The following ZNF385D variants were observed in gnomAD, a reference collection of about 807,000 sequenced individuals.
The protein encoded by ZNF385D is zinc finger protein 659.
Under a neutral mutation model 35.8 loss-of-function variants are expected in ZNF385D, and 15 were observed. That is an observed-to-expected ratio of 0.42 (90% CI 0.28 to 0.64). The LOEUF (loss-of-function observed/expected upper bound fraction) is 0.64. Ranked by LOEUF, ZNF385D falls within the 30% of genes least tolerant of loss-of-function variation. The probability of loss-of-function intolerance (pLI) is 0.23; values close to 1 mark genes in which losing one functional copy is unlikely to be tolerated. For synonymous variants in ZNF385D, 212 were observed against 186.8 expected (o/e 1.13, Z -1.10); for missense variants, 474 against 494.6 (o/e 0.96, Z 0.39).
chr3:22,178,982 C>T (rs1032248428), intron 2 of ZNF385D, among the ~76,000 whole-genome samples: 1 of 151,386 alleles, frequency 6.6e-6, no homozygotes, highest in African/African-American at 2.4e-5. Context: ...GTTTTGGTTA[C>T]AGTAGCCTTG....
chr3:22,325,686 G>A (rs912904438), intron 2 of ZNF385D, among the ~76,000 whole-genome samples: 2 of 152,012 alleles, frequency 1.3e-5, no homozygotes, highest in Admixed American at 6.6e-5. Context: ...TTGAACCCAG[G>A]GGCGGATGCC....
intron 3 of ZNF385D, among the ~76,000 whole-genome samples, chr3:21,903,394 A>G (rs898878116): frequency 6.6e-6 from 1 of 152,128 alleles, no homozygotes. Flanking sequence ...CCCTAACTCT[A>G]TTGTGTCACA....
chr3:21,960,467 A>G (rs2125317083), intron 3 of ZNF385D, among the ~76,000 whole-genome samples: 1 of 152,062 alleles, frequency 6.6e-6, no homozygotes, highest in Non-Finnish European at 1.5e-5. Context: ...TAAAAAACGG[A>G]TCCCTTGTAC....
intron 3 of ZNF385D, among the ~76,000 whole-genome samples, chr3:21,974,345 T>C (rs895642796): frequency 2.0e-5 from 3 of 152,038 alleles, no homozygotes; most frequent in African/African-American, 7.2e-5. Flanking sequence ...CTTCAATAAG[T>C]GGTGCTGGGA....
At chr3:22,172,016 T>C (rs192277788) in intron 2 of ZNF385D, among the ~76,000 whole-genome samples, 1 of 152,342 alleles carries the variant, frequency 6.6e-6, no homozygotes, top group East Asian at 1.9e-4. Context: ...GCTTAAATTT[T>C]TAAATGGAAA....
intron 3 of ZNF385D, among the ~76,000 whole-genome samples, chr3:21,870,606 T>G (rs983537733): frequency 1.3e-5 from 2 of 152,170 alleles, no homozygotes; most frequent in African/African-American, 2.4e-5. Context: ...GTATCTTAAT[T>G]TCTATGGCCC....
intron 2 of ZNF385D, among the ~76,000 whole-genome samples, chr3:21,622,455 TTGAG>T (rs1185256016): frequency 1.3e-5 from 2 of 152,108 alleles, no homozygotes; most frequent in African/African-American, 4.8e-5. Flanking sequence ...GGCCTACATT[TTGAG>T]TGAGAAGATC....
chr3:21,980,274 CG>C (rs1694355186), intron 3 of ZNF385D, among the ~76,000 whole-genome samples: 1 of 152,072 alleles, frequency 6.6e-6, no homozygotes, highest in Non-Finnish European at 1.5e-5. Context: ...AATAACTTAA[CG>C]GTAACTTCAC....
chr3:21,509,733 G>A (rs1707057476), intron 4 of ZNF385D, among the ~76,000 whole-genome samples: 1 of 152,142 alleles, frequency 6.6e-6, no homozygotes, highest in African/African-American at 2.4e-5. Context: ...CATGTATTCA[G>A]GCTGAGGGAA....
chr3:21,428,183 A>G (rs1446236810), intron 5 of ZNF385D, among the ~76,000 whole-genome samples: 1 of 152,168 alleles, frequency 6.6e-6, no homozygotes, highest in African/African-American at 2.4e-5. Context: ...TGTATGAGAT[A>G]AAATGTGCAT....
chr3:21,853,392 T>C (rs540984151), intron 3 of ZNF385D, among the ~76,000 whole-genome samples: 10 of 151,922 alleles, frequency 6.6e-5, no homozygotes, highest in African/African-American at 2.4e-4. Context: ...ATATGTTCAG[T>C]AAGTCAATCC....
intron 1 of ZNF385D, among the ~76,000 whole-genome samples, chr3:21,683,617 A>T (rs1461463807): frequency 6.9e-6 from 1 of 144,478 alleles, no homozygotes; most frequent in African/African-American, 2.6e-5. Flanking sequence ...ACTCCATCTC[A>T]AAAAAAAAAG....
At chr3:22,009,915 C>T (rs1042071874) in intron 3 of ZNF385D, among the ~76,000 whole-genome samples, 1 of 143,154 alleles carries the variant, frequency 7.0e-6, no homozygotes, top group Non-Finnish European at 1.5e-5. Context: ...TTTAAAATTA[C>T]AAAACAAAAT....
chr3:22,127,469 A>G (rs1375335195), intron 3 of ZNF385D, among the ~76,000 whole-genome samples: 1 of 150,544 alleles, frequency 6.6e-6, no homozygotes, highest in East Asian at 2.0e-4. Context: ...CCTCCCTAGT[A>G]GCTGGGATTA....
intron 2 of ZNF385D, among the ~76,000 whole-genome samples, chr3:22,174,593 C>G (rs186033995): frequency 1.3e-4 from 20 of 152,230 alleles, no homozygotes; most frequent in Admixed American, 2.0e-4. Flanking sequence ...AGCACAGACA[C>G]TCTCATATAA....
chr3:21,700,619 T>C (rs988295489), intron 1 of ZNF385D, among the ~76,000 whole-genome samples: 10 of 152,332 alleles, frequency 6.6e-5, no homozygotes, highest in African/African-American at 2.4e-4. Flanking sequence ...GTAACTCACT[T>C]GGCCTTTCTG....
intron 6 of ZNF385D, among the ~76,000 whole-genome samples, chr3:21,425,275 T>C (rs369269508): frequency 5.9e-5 from 9 of 152,336 alleles, no homozygotes; most frequent in East Asian, 3.9e-4. Context: ...CTAGAATCTA[T>C]TACATTTTAG....
chr3:21,582,128 T>C (rs1185946675), intron 2 of ZNF385D, among the ~76,000 whole-genome samples: 7 of 152,200 alleles, frequency 4.6e-5, no homozygotes, highest in Non-Finnish European at 8.8e-5. Flanking sequence ...CTATATGTTA[T>C]AGCTGTAAGA....
chr3:21,682,443 A>G (rs1275859545), intron 1 of ZNF385D, among the ~76,000 whole-genome samples: 1 of 150,280 alleles, frequency 6.7e-6, no homozygotes, highest in Non-Finnish European at 1.5e-5. Context: ...AAAAACTAAC[A>G]TAGAAAGAAT....
Sources: allele counts gnomAD v4.1 joint callset (sites outside exome capture counted in the v4.1 genomes callset), GRCh38; gene constraint gnomAD v4.1.1; transcripts MANE v1.5; gene names NCBI Gene and HGNC (gene_info 2026-07-23, HGNC 2026-07-21).